CDK8: variants seen among roughly 807,000 people sequenced by gnomAD.
CDK8 encodes the protein cyclin dependent kinase 8, also known as cyclin-dependent kinase 8.
Under a neutral mutation model 71.5 loss-of-function variants are expected in CDK8, and 29 were observed. The observed-to-expected ratio is 0.41, with a 90% CI of 0.30 to 0.55. CDK8 has a LOEUF of 0.55. Ranked by LOEUF, CDK8 falls within the 20% of genes least tolerant of loss-of-function variation. The probability of loss-of-function intolerance (pLI) is 0.37; values close to 1 mark genes in which losing one functional copy is unlikely to be tolerated. For missense variants in CDK8, 288 were observed against 572.6 expected (o/e 0.50, Z 5.07); for synonymous variants, 161 against 192.1 (o/e 0.84, Z 1.34).
At chr13:26,377,486 C>T (rs917275379) in intron 4 of CDK8, among the ~76,000 whole-genome samples, 5 of 152,144 alleles carry the variant, frequency 3.3e-5, no homozygotes, top group African/African-American at 1.2e-4. Flanking sequence ...TTATAAGTAA[C>T]ATACATGTTG....
At chr13:26,403,377 G>T (rs1023791137) in intron 12 of CDK8, among the ~76,000 whole-genome samples, 2 of 151,910 alleles carry the variant, frequency 1.3e-5, no homozygotes, top group Non-Finnish European at 2.9e-5. Context: ...GCTGAGCATG[G>T]AGGTGCATGC....
chr13:26,400,311 G>A, intron 9 of CDK8, 142 bp from the exon 10 acceptor site: 1 of 633,426 alleles, frequency 1.6e-6, no homozygotes. Flanking sequence ...TAACAACTAG[G>A]AGTTTTGTTG....
Position 26,401,360 on chromosome 13 carries a change from G to T in CDK8, c.1110+13G>T. 1 of 1,612,954 alleles carries T rather than the reference G, an allele frequency of 6.2e-7. No homozygotes were observed. Among genetic ancestry groups the T allele is most frequent in the Non-Finnish European group, 8.5e-7 (1 of 1,179,000 alleles). ...CAAAGGAGACAAAGTAAGTATTAAA[G>T]TACTGTTAGCAGCTTCTTGTTTCGT... On this transcript the variant is annotated intron_variant, in intron 11 of 12. Transcript: ENST00000381527. This position sits in a 1 kb window ranked among gnomAD's most constrained non-coding sequence, Gnocchi z 4.5.
intron 1 of CDK8, among the ~76,000 whole-genome samples, chr13:26,276,356 ATAT>A (rs1872563227): frequency 6.6e-6 from 1 of 152,126 alleles, no homozygotes. Context: ...TGTCTTCCTA[ATAT>A]TATTAGATTT....
chr13:26,271,494 G>A (rs1872317721), intron 1 of CDK8, among the ~76,000 whole-genome samples: 1 of 152,136 alleles, frequency 6.6e-6, no homozygotes, highest in African/African-American at 2.4e-5. Context: ...AAAAGGTATA[G>A]TAAAAATATG....
chr13:26,346,173 C>CT (rs1048797697), intron 2 of CDK8, among the ~76,000 whole-genome samples: 2 of 152,136 alleles, frequency 1.3e-5, no homozygotes, highest in African/African-American at 4.8e-5. Flanking sequence ...CCTTAAACCC[C>CT]TGTTTTCTCG....
chr13:26,365,731 A>C (rs1329754870), intron 4 of CDK8, among the ~76,000 whole-genome samples: 1 of 152,126 alleles, frequency 6.6e-6, no homozygotes, highest in Non-Finnish European at 1.5e-5. Context: ...TTATAAACAA[A>C]ATATACTATC....
intron 4 of CDK8, among the ~76,000 whole-genome samples, chr13:26,354,797 T>C (rs111859039): frequency 6.6e-6 from 1 of 152,258 alleles, no homozygotes; most frequent in African/African-American, 2.4e-5. Context: ...GCCAAAAAGG[T>C]TGGGGACTGC....
chr13:26,255,525 A>G (rs1260470376), intron 1 of CDK8, among the ~76,000 whole-genome samples: 3 of 152,152 alleles, frequency 2.0e-5, no homozygotes, highest in Non-Finnish European at 4.4e-5. Flanking sequence ...TAAACCTATG[A>G]CTGGTAATGC....
At chr13:26,382,040 C>A (rs994801748) in intron 4 of CDK8, among the ~76,000 whole-genome samples, 86 of 151,992 alleles carry the variant, frequency 5.7e-4, no homozygotes, top group African/African-American at 2.0e-3. Context: ...AGGAGTAAAC[C>A]AGTTGCCTTT....
At chr13:26,315,536 C>A (rs891536231) in intron 1 of CDK8, among the ~76,000 whole-genome samples, 1 of 152,066 alleles carries the variant, frequency 6.6e-6, no homozygotes, top group African/African-American at 2.4e-5. Context: ...ATTACTTTAT[C>A]CATTTATGGC....
At chr13:26,300,060 G>A (rs1413857841) in intron 1 of CDK8, among the ~76,000 whole-genome samples, 2 of 152,074 alleles carry the variant, frequency 1.3e-5, no homozygotes, top group East Asian at 3.9e-4. Context: ...AGTAGTCAAT[G>A]AGATAAAGGA....
intron 1 of CDK8, among the ~76,000 whole-genome samples, chr13:26,282,117 G>GAA (rs1872777432): frequency 6.6e-6 from 1 of 151,976 alleles, no homozygotes; most frequent in Admixed American, 6.6e-5. Context: ...AGGAAGATGA[G>GAA]AAATATAAAA....
intron 4 of CDK8, among the ~76,000 whole-genome samples, chr13:26,368,211 G>A (rs1002576999): frequency 6.6e-6 from 1 of 152,114 alleles, no homozygotes; most frequent in Non-Finnish European, 1.5e-5. Context: ...GCTGCTCACC[G>A]TTTCTGTCAC....
intron 4 of CDK8, among the ~76,000 whole-genome samples, chr13:26,367,061 C>A (rs1360626373): frequency 6.6e-6 from 1 of 152,132 alleles, no homozygotes; most frequent in Admixed American, 6.6e-5. Context: ...CTTGTTGTTA[C>A]ACAGCTATAA....
At chr13:26,393,738 T>C (rs1286066166) in intron 7 of CDK8, among the ~76,000 whole-genome samples, 1 of 152,222 alleles carries the variant, frequency 6.6e-6, no homozygotes, top group Admixed American at 6.5e-5. Context: ...GTATTTTTGT[T>C]TCATCTTGTT....
intron 1 of CDK8, among the ~76,000 whole-genome samples, chr13:26,312,448 C>T (rs1042084510): frequency 7.2e-5 from 11 of 152,104 alleles, no homozygotes; most frequent in African/African-American, 1.9e-4. Context: ...CTGAAGTCAG[C>T]GAGACCATGA....
intron 6 of CDK8, 61 bp downstream of exon 6, chr13:26,385,403 C>T (rs2138050677): frequency 7.4e-7 from 1 of 1,350,218 alleles, no homozygotes. Context: ...GACACACATT[C>T]CTATATATTT....
chr13:26,261,999 T>C (rs1386660310), intron 1 of CDK8, among the ~76,000 whole-genome samples: 1 of 152,228 alleles, frequency 6.6e-6, no homozygotes, highest in East Asian at 1.9e-4. Flanking sequence ...TTCATACAGC[T>C]GCTCTCCTCC....
Sources: allele counts gnomAD v4.1 joint callset (sites outside exome capture counted in the v4.1 genomes callset), GRCh38; gene constraint gnomAD v4.1.1; non-coding constraint Gnocchi (gnomAD v3.1); transcripts MANE v1.5; gene names NCBI Gene and HGNC (gene_info 2026-07-23, HGNC 2026-07-21).